Variants in RUNX2 observed in about 807,000 individuals in gnomAD.
RUNX2 encodes the protein RUNX family transcription factor 2, also known as runt-related transcription factor 2.
RUNX2 carries 10 observed loss-of-function variants against 51.7 expected under a neutral mutation model. That is an observed-to-expected ratio of 0.19 (90% CI 0.12 to 0.33). RUNX2 has a LOEUF of 0.33. RUNX2 is among the 10% of genes least tolerant of loss of function. The pLI is 1.00. For missense variants in RUNX2, 562 were observed against 691.3 expected (o/e 0.81, Z 2.10); for synonymous variants, 276 against 273.6 (o/e 1.01, Z -0.09).
In RUNX2 at chr6:45,379,127, T is replaced by C. The variant is rs116430088; in HGVS notation, c.59-43466T>C. 2.6e-3 allele frequency among the ~76,000 whole-genome samples: 390 copies of C among 152,372 alleles called. 3 individuals carry two copies. Among genetic ancestry groups the C allele is most frequent in the African/African-American group, 8.6e-3 (356 of 41,582 alleles). ...TGTGGATTGTAGTTGAGTCTGCTAGTGTTGTGTTTGATTCTCTTTAATCTC... is the reference window on the plus strand; with the variant it reads ...TGTGGATTGTAGTTGAGTCTGCTAGCGTTGTGTTTGATTCTCTTTAATCTC... On this transcript the variant is annotated intron_variant, in intron 2 of 8. Transcript: ENST00000647337.
Position 45,328,766 on chromosome 6 carries a change from C to A in RUNX2, c.40C>A (p.Gln14Lys), listed in dbSNP as rs768149057. 28 of 1,611,994 alleles carry A rather than the reference C, an allele frequency of 1.7e-5. No individual in the cohort carries two copies. Among genetic ancestry groups the A allele is most frequent in the Non-Finnish European group, 2.3e-5 (27 of 1,178,696 alleles). Residue 14 changes from glutamine (Q) to lysine (K), a missense_variant, in exon 2 of 9, where the codon CAG becomes AAG. Physicochemically the swap from Gln to Lys is moderately conservative, Grantham distance 53 (BLOSUM62 1). Transcript: ENST00000647337. ...NSLFSTVTPC[Q>K]QNFFWDPSTS... ...CCTCTTCAGCACAGTGACACCATGTCAGCAAAACTTCTTTTGGGGTAAGTG... is the reference window on the plus strand; with the variant it reads ...CCTCTTCAGCACAGTGACACCATGTAAGCAAAACTTCTTTTGGGGTAAGTG...
intron 5 of RUNX2, among the ~76,000 whole-genome samples, chr6:45,443,453 A>G (rs190307188): frequency 1.3e-5 from 2 of 152,268 alleles, no homozygotes; most frequent in Admixed American, 6.5e-5. Context: ...GATTTAAGGG[A>G]AAAAAACCAC....
At chr6:45,403,857 CAA>C (rs764973887) in intron 2 of RUNX2, among the ~76,000 whole-genome samples, 76 of 152,094 alleles carry the variant, frequency 5.0e-4, no homozygotes, top group Non-Finnish European at 1.0e-3. Context: ...TGGAGAAAAA[CAA>C]AGCAGGGGAA....
chr6:45,460,034 T>C (rs1462994169), intron 5 of RUNX2, among the ~76,000 whole-genome samples: 6 of 151,758 alleles, frequency 4.0e-5, no homozygotes, highest in Non-Finnish European at 7.4e-5. Flanking sequence ...ACAGAGATAG[T>C]TGGGGGCAGA....
At chr6:45,525,864 T>A (rs1402452600) in intron 7 of RUNX2, among the ~76,000 whole-genome samples, 2 of 151,790 alleles carry the variant, frequency 1.3e-5, no homozygotes, top group East Asian at 3.9e-4. Flanking sequence ...GGGTGGTGCG[T>A]GCCTGTAGTC....
chr6:45,379,298 A>G, intron 2 of RUNX2, among the ~76,000 whole-genome samples: 1 of 152,266 alleles, frequency 6.6e-6, no homozygotes, highest in East Asian at 1.9e-4. Flanking sequence ...CAGAGTGAGT[A>G]TGGTGATAAC....
intron 7 of RUNX2, among the ~76,000 whole-genome samples, chr6:45,531,760 AC>A (rs1451061870): frequency 2.0e-5 from 3 of 152,086 alleles, no homozygotes; most frequent in Non-Finnish European, 4.4e-5. Flanking sequence ...TAAAAAAAAA[AC>A]AAAACTCAAA....
At position 45,441,355 on chromosome 6, in the gene RUNX2, G is replaced by A. The variant is rs922596709; in HGVS notation, c.685+3304G>A. On this transcript the variant is annotated intron_variant, in intron 5 of 8. Transcript: ENST00000647337. ...GTCTTTATGTCGGACTGCTTGGATC[G>A]AAATCCCAACTCCATCATTTATTAA... 4.6e-5 allele frequency among the ~76,000 whole-genome samples: 7 copies of A among 152,114 alleles called. No individual in the cohort carries two copies. In the South Asian group the frequency reaches 8.3e-4, roughly 18 times the overall value.
At chr6:45,507,481 T>G (rs536864667) in intron 6 of RUNX2, among the ~76,000 whole-genome samples, 1 of 152,322 alleles carries the variant, frequency 6.6e-6, no homozygotes, top group South Asian at 2.1e-4. Flanking sequence ...AAGGTGACTT[T>G]CCTCTACTAT....
At chr6:45,378,850 C>G (rs1298921662) in intron 2 of RUNX2, among the ~76,000 whole-genome samples, 1 of 152,048 alleles carries the variant, frequency 6.6e-6, no homozygotes, top group African/African-American at 2.4e-5. Flanking sequence ...TATATGAAGT[C>G]TTATTTATAT....
At chr6:45,516,643 T>C (rs1012605892) in intron 7 of RUNX2, among the ~76,000 whole-genome samples, 1 of 152,230 alleles carries the variant, frequency 6.6e-6, no homozygotes, top group African/African-American at 2.4e-5. Flanking sequence ...CAAAGTTATT[T>C]CTCATTGATT....
At chr6:45,451,346 G>T (rs1008957841) in intron 5 of RUNX2, among the ~76,000 whole-genome samples, 1 of 152,150 alleles carries the variant, frequency 6.6e-6, no homozygotes, top group Non-Finnish European at 1.5e-5. Context: ...CCCAAACAAA[G>T]CTGTAGGCTA....
intron 2 of RUNX2, among the ~76,000 whole-genome samples, chr6:45,404,808 A>G (rs982501295): frequency 1.3e-5 from 2 of 152,248 alleles, no homozygotes; most frequent in Non-Finnish European, 2.9e-5. Flanking sequence ...TCCCTTCATG[A>G]ATGTATTTCT....
At chr6:45,403,597 A>C (rs964088675) in intron 2 of RUNX2, among the ~76,000 whole-genome samples, 1 of 152,172 alleles carries the variant, frequency 6.6e-6, no homozygotes, top group Non-Finnish European at 1.5e-5. Context: ...GATGTAGTCT[A>C]TTCAAGGAAC....
chr6:45,437,282 G>A (rs888424802), intron 4 of RUNX2, among the ~76,000 whole-genome samples: 1 of 152,150 alleles, frequency 6.6e-6, no homozygotes, highest in Admixed American at 6.5e-5. Flanking sequence ...GTAAGTCGCT[G>A]TCAGGGGGTT....
At chr6:45,346,589 A>G (rs2150161518) in intron 2 of RUNX2, among the ~76,000 whole-genome samples, 1 of 122,784 alleles carries the variant, frequency 8.1e-6, no homozygotes, top group South Asian at 2.8e-4. Flanking sequence ...TTTTCTTGAG[A>G]TAGGGTCTCA....
At chr6:45,403,629 G>T (rs9472487) in intron 2 of RUNX2, among the ~76,000 whole-genome samples, 49,790 of 151,930 alleles carry the variant, frequency 0.33, 9,848 homozygotes, top group South Asian at 0.47. Flanking sequence ...TGCCACTTTT[G>T]ATCATATCTT....
chr6:45,524,178 T>C (rs1454547074), intron 7 of RUNX2, among the ~76,000 whole-genome samples: 1 of 152,212 alleles, frequency 6.6e-6, no homozygotes, highest in Non-Finnish European at 1.5e-5. Flanking sequence ...AGTAACTTGG[T>C]CTGAGGCAAA....
intron 5 of RUNX2, among the ~76,000 whole-genome samples, chr6:45,454,849 C>A (rs749263698): frequency 2.0e-5 from 3 of 152,198 alleles, no homozygotes; most frequent in African/African-American, 7.2e-5. Context: ...CATGCTGGCT[C>A]ATGCCTGTAA....
Sources: allele counts gnomAD v4.1 joint callset (sites outside exome capture counted in the v4.1 genomes callset), GRCh38; gene constraint gnomAD v4.1.1; transcripts MANE v1.5; gene names NCBI Gene and HGNC (gene_info 2026-07-23, HGNC 2026-07-21).